Variants in AOAH observed in about 807,000 individuals in gnomAD.
The protein encoded by AOAH is acyloxyacyl hydrolase.
Under a neutral mutation model 92.2 loss-of-function variants are expected in AOAH, and 64 were observed. That is an observed-to-expected ratio of 0.69 (90% confidence interval 0.57 to 0.86). The LOEUF (loss-of-function observed/expected upper bound fraction) is 0.86. AOAH is among the 40% of genes least tolerant of loss of function. AOAH has a pLI of 0.00. For synonymous variants in AOAH, 263 were observed against 254.5 expected, an observed-to-expected ratio of 1.03 and a Z score of -0.32; for missense variants, 656 against 694.6, an observed-to-expected ratio of 0.94 and a Z score of 0.62.
intron 13 of AOAH, among the ~76,000 whole-genome samples, chr7:36,554,921 C>T (rs1218948459): frequency 6.9e-6 from 1 of 144,720 alleles, no homozygotes; most frequent in East Asian, 2.0e-4. Context: ...ACAATCATGT[C>T]GTCTGCAAAC....
At chr7:36,702,784 T>C (rs898219357) in intron 1 of AOAH, among the ~76,000 whole-genome samples, 7 of 152,144 alleles carry the variant, frequency 4.6e-5, no homozygotes, top group East Asian at 1.9e-4. Flanking sequence ...TTGCTGAAGG[T>C]AGGGGTGGCT....
chr7:36,651,516 G>T (rs10268037), intron 4 of AOAH, among the ~76,000 whole-genome samples: 2 of 152,174 alleles, frequency 1.3e-5, no homozygotes, highest in Admixed American at 1.3e-4. Context: ...AAGCGAACAT[G>T]TCAGTGGTTT....
At chr7:36,527,593 C>T (rs927740960) in intron 19 of AOAH, among the ~76,000 whole-genome samples, 27 of 151,114 alleles carry the variant, frequency 1.8e-4, no homozygotes, top group African/African-American at 6.1e-4. Flanking sequence ...ATGGTGGTGG[C>T]GGGGGACGGC....
intron 5 of AOAH, among the ~76,000 whole-genome samples, chr7:36,634,309 A>G (rs1473398908): frequency 6.6e-6 from 1 of 152,198 alleles, no homozygotes; most frequent in East Asian, 1.9e-4. Context: ...TGGTAGTTAA[A>G]GATTGACCCC....
At chr7:36,648,152 C>T (rs73107151) in intron 4 of AOAH, among the ~76,000 whole-genome samples, 24,679 of 151,898 alleles carry the variant, frequency 0.16, 2,095 homozygotes, top group African/African-American at 0.2. Flanking sequence ...GGATTACGCC[C>T]GGCCCTCTTA....
At chr7:36,596,715 C>T (rs570975643) in intron 11 of AOAH, among the ~76,000 whole-genome samples, 1 of 152,252 alleles carries the variant, frequency 6.6e-6, no homozygotes, top group South Asian at 2.1e-4. Context: ...AGGAACTAAC[C>T]CTGCTGACAT....
chr7:36,560,980 C>G (rs1787217781), intron 13 of AOAH, among the ~76,000 whole-genome samples: 1 of 151,778 alleles, frequency 6.6e-6, no homozygotes, highest in South Asian at 2.1e-4. Context: ...GAGGTGGACA[C>G]AGCCTCAATA....
chr7:36,633,971 G>C (rs1391613154), intron 5 of AOAH, among the ~76,000 whole-genome samples: 1 of 152,168 alleles, frequency 6.6e-6, no homozygotes, highest in African/African-American at 2.4e-5. Flanking sequence ...TGCCAAATCT[G>C]CCTCCAGACA....
intron 12 of AOAH, among the ~76,000 whole-genome samples, chr7:36,583,416 C>A (rs1332477488): frequency 6.6e-6 from 1 of 152,120 alleles, no homozygotes; most frequent in African/African-American, 2.4e-5. Flanking sequence ...AGATTAAAGA[C>A]CTTTTAAGAT....
At chr7:36,534,902 G>A (rs571654436) in intron 16 of AOAH, among the ~76,000 whole-genome samples, 3 of 152,138 alleles carry the variant, frequency 2.0e-5, no homozygotes, top group Admixed American at 1.3e-4. Flanking sequence ...GTCTTCGTGT[G>A]TGTCTGTGTC....
rs376812862 is a variant in AOAH, at chr7:36,522,072, G to A, written c.1566C>T (p.Leu522=). The change falls in exon 20 of 21, where the codon CTC becomes CTT. Residue 522 remains leucine, a synonymous_variant. Transcript: ENST00000617537. ...GGTGGAATCCATCCACGGGCTCGAT[G>A]AGCTGCCAGGGCTGTCCGCCTCTCT... ...WQKRGGQPWQ[L]IEPVDGFHPN... The A allele has an allele frequency of 3.7e-6, 6 of 1,614,110 alleles. No homozygotes were observed. The Admixed American group carries it at 6.7e-5, about 18-fold the overall frequency.
rs116707768 is a variant in AOAH, at chr7:36,700,351, A to C, written c.128-13557T>G. Among the ~76,000 whole-genome samples the C allele has an allele frequency of 3.3e-3, 507 of 152,054 alleles. 3 individuals carry two copies. The highest frequency in any genetic ancestry group is 0.012 in the African/African-American group (493 of 41,518). On this transcript the variant is annotated intron_variant, in intron 1 of 20. Coordinates refer to ENST00000617537, the MANE Select transcript of AOAH (RefSeq NM_001637.4). Reference sequence around the variant, plus strand: ...TTTCCCTTCCTTCACTTCATCAGTCATAATTATTCCACACTCTATGTTCAT... The same window carrying C: ...TTTCCCTTCCTTCACTTCATCAGTCCTAATTATTCCACACTCTATGTTCAT...
intron 7 of AOAH, among the ~76,000 whole-genome samples, chr7:36,622,154 A>G (rs1464126966): frequency 6.6e-6 from 1 of 152,052 alleles, no homozygotes; most frequent in Non-Finnish European, 1.5e-5. Context: ...GTGTATTCAT[A>G]TTGTAGATGT....
intron 13 of AOAH, among the ~76,000 whole-genome samples, chr7:36,566,270 TG>T (rs1389369776): frequency 6.6e-6 from 1 of 152,040 alleles, no homozygotes; most frequent in Non-Finnish European, 1.5e-5. Context: ...GGGTGGGGAC[TG>T]TGTTATAAAA....
chr7:36,654,830 A>G (rs1174637584), intron 4 of AOAH, among the ~76,000 whole-genome samples: 1 of 152,144 alleles, frequency 6.6e-6, no homozygotes, highest in Non-Finnish European at 1.5e-5. Context: ...GAGAATTTGG[A>G]CTTTTAAGAA....
intron 3 of AOAH, among the ~76,000 whole-genome samples, chr7:36,671,891 G>A (rs991349639): frequency 2.6e-5 from 4 of 152,172 alleles, no homozygotes; most frequent in Admixed American, 2.0e-4. Flanking sequence ...AGTTCCTGAT[G>A]AGCCTTGTGT....
chr7:36,578,130 G>T (rs1035717278), intron 12 of AOAH, among the ~76,000 whole-genome samples: 5 of 152,066 alleles, frequency 3.3e-5, no homozygotes, highest in African/African-American at 1.2e-4. Context: ...GATGAATAAT[G>T]TATTTATTTT....
chr7:36,528,812 G>A (rs929105334), intron 19 of AOAH, among the ~76,000 whole-genome samples: 1 of 152,166 alleles, frequency 6.6e-6, no homozygotes, highest in Non-Finnish European at 1.5e-5. Flanking sequence ...ATGTTGCCCA[G>A]GCTGGTCTTG....
At chr7:36,716,863 A>G (rs890186057) in intron 1 of AOAH, among the ~76,000 whole-genome samples, 7 of 152,090 alleles carry the variant, frequency 4.6e-5, no homozygotes, top group Middle Eastern at 3.4e-3. Flanking sequence ...TAGGAGATAT[A>G]CCTAATGTTA....
Sources: allele counts gnomAD v4.1 joint callset (sites outside exome capture counted in the v4.1 genomes callset), GRCh38; gene constraint gnomAD v4.1.1; transcripts MANE v1.5; gene names NCBI Gene and HGNC (gene_info 2026-07-23, HGNC 2026-07-21).